Variants in CEP63 observed in about 807,000 individuals in gnomAD.
CEP63 encodes the protein centrosomal protein 63.
In CEP63, 84 loss-of-function variants were observed where a neutral mutation model predicts 89.1. That is an observed-to-expected ratio of 0.94 (90% CI 0.79 to 1.13). The LOEUF is 1.13. CEP63 is among the 50% of genes most tolerant of loss of function. CEP63 has a pLI of 0.00. For missense variants in CEP63, 838 were observed against 813.3 expected, an observed-to-expected ratio of 1.03 and a Z score of -0.37; for synonymous variants, 267 against 272.5, an observed-to-expected ratio of 0.98 and a Z score of 0.20.
the CEP63 span, among the ~76,000 whole-genome samples, chr3:134,605,354 T>A: frequency 6.6e-6 from 1 of 152,168 alleles, no homozygotes; most frequent in African/African-American, 2.4e-5. Flanking sequence ...CCAGCCCCGT[T>A]CACAGTTGAG....
At chr3:134,554,877 G>A (rs976362202) in intron 12 of CEP63, among the ~76,000 whole-genome samples, 1 of 151,880 alleles carries the variant, frequency 6.6e-6, no homozygotes, top group Non-Finnish European at 1.5e-5. Flanking sequence ...CTGCATAAAT[G>A]TCTTCTTTTG....
downstream of CEP63, among the ~76,000 whole-genome samples, chr3:134,590,599 C>G (rs373513674): frequency 4.9e-4 from 75 of 152,324 alleles, 1 homozygote; most frequent in African/African-American, 1.6e-3. Flanking sequence ...GAATAGCTCT[C>G]AGACGTCCAA....
At chr3:134,695,166 C>T in the CEP63 span, among the ~76,000 whole-genome samples, 4 of 152,078 alleles carry the variant, frequency 2.6e-5, no homozygotes, top group Admixed American at 1.3e-4. Flanking sequence ...CTCTGTGCTG[C>T]GGGTGTCATT....
Position 134,520,760 on chromosome 3 carries a change from T to A in CEP63, c.223-11085T>A, listed in dbSNP as rs80006098. On this transcript the variant is annotated intron_variant, in intron 3 of 14. Coordinates refer to ENST00000675561, the MANE Select transcript of CEP63 (RefSeq NM_001353108.3). ...TGTGAACATTTGATTCATGACAAGA[T>A]GACACTGCAAGATGGTGGGGAGTCT... is the stretch of plus-strand genomic sequence containing the variant. Among the ~76,000 whole-genome samples the A allele has an allele frequency of 5.9e-3, 905 of 152,294 alleles. 22 individuals are homozygous for A. In the South Asian group the frequency reaches 0.074, roughly 12 times the overall value.
chr3:134,591,154 A>G (rs1958589093), downstream of CEP63, among the ~76,000 whole-genome samples: 1 of 152,226 alleles, frequency 6.6e-6, no homozygotes, highest in East Asian at 1.9e-4. Flanking sequence ...ATTTTAACTG[A>G]GGATAAAACT....
the CEP63 span, among the ~76,000 whole-genome samples, chr3:134,701,464 A>T: frequency 1.4e-5 from 2 of 145,552 alleles, no homozygotes; most frequent in South Asian, 2.2e-4. Flanking sequence ...GTATATATAC[A>T]TACACACACA....
the CEP63 span, chr3:134,604,252 A>G: frequency 6.2e-7 from 1 of 1,613,938 alleles, no homozygotes; most frequent in Admixed American, 1.7e-5. Context: ...ACCCATGTCC[A>G]CATAATTGCA....
the CEP63 span, among the ~76,000 whole-genome samples, chr3:134,664,200 A>T: frequency 1.3e-5 from 2 of 152,070 alleles, no homozygotes. Context: ...TTTTATTTTC[A>T]TCCTAAAAAG....
the CEP63 span, among the ~76,000 whole-genome samples, chr3:134,599,194 G>A: frequency 6.6e-6 from 1 of 152,224 alleles, no homozygotes; most frequent in Non-Finnish European, 1.5e-5. Context: ...CTCCAGCTTT[G>A]GGGATGGCAT....
At chr3:134,608,732 A>G in the CEP63 span, 1 of 1,614,030 alleles carries the variant, frequency 6.2e-7, no homozygotes, top group Non-Finnish European at 8.5e-7. Context: ...GTTGTTCTCA[A>G]ACTGCCTCAG....
chr3:134,582,008 C>T (rs1029321057), intron 10 of CEP63, among the ~76,000 whole-genome samples: 7 of 152,036 alleles, frequency 4.6e-5, no homozygotes, highest in African/African-American at 1.7e-4. Flanking sequence ...ATAGAAATAG[C>T]AGACTTTAAG....
At chr3:134,492,118 G>T (rs1417383561) in intron 1 of CEP63, among the ~76,000 whole-genome samples, 3 of 126,208 alleles carry the variant, frequency 2.4e-5, no homozygotes, top group African/African-American at 9.1e-5. Context: ...CTGTCGCCCA[G>T]GCTGGAGTGC....
chr3:134,678,743 G>A, the CEP63 span, among the ~76,000 whole-genome samples: 59 of 152,286 alleles, frequency 3.9e-4, no homozygotes, highest in East Asian at 0.011. Flanking sequence ...TAGCTCTAGG[G>A]ACTTGACCCA....
chr3:134,662,658 A>G, the CEP63 span, among the ~76,000 whole-genome samples: 2 of 152,270 alleles, frequency 1.3e-5, no homozygotes, highest in African/African-American at 4.8e-5. Flanking sequence ...GGGCTAGTTC[A>G]AATATGTTTG....
chr3:134,547,234 C>A, intron 8 of CEP63, 101 bp from the exon 9 acceptor site: 2 of 1,118,996 alleles, frequency 1.8e-6, no homozygotes, highest in Non-Finnish European at 2.7e-6. Flanking sequence ...TGAAGAGTTC[C>A]AAAGAGGTTA....
chr3:134,617,761 C>T, the CEP63 span, among the ~76,000 whole-genome samples: 6 of 152,146 alleles, frequency 3.9e-5, no homozygotes, highest in South Asian at 2.1e-4. Flanking sequence ...TGTCCTGGAG[C>T]GGGGCCTGGA....
intron 10 of CEP63, among the ~76,000 whole-genome samples, chr3:134,583,261 A>G (rs1387477394): frequency 5.3e-5 from 8 of 152,200 alleles, no homozygotes; most frequent in Non-Finnish European, 1.2e-4. Flanking sequence ...GCCCATGCCT[A>G]TGTCCTGAAT....
chr3:134,587,828 C>A (rs1225903965), downstream of CEP63, among the ~76,000 whole-genome samples: 1 of 149,636 alleles, frequency 6.7e-6, no homozygotes. Flanking sequence ...TTGGAATGGA[C>A]CCCCCTATAA....
At position 134,547,359 on chromosome 3, in the gene CEP63, AAAG is replaced by A; in HGVS notation, c.958_960del (p.Lys320del). ...GGCCACGGGAAGAATCTCTGGCAGA[AAAG>A]AAGTACACCTCTCAAGGGCAGGGGG... On this transcript the variant is annotated inframe_deletion, in exon 9 of 15. Coordinates refer to ENST00000675561, the MANE Select transcript of CEP63 (RefSeq NM_001353108.3). The A allele has an allele frequency of 6.2e-7, 1 of 1,613,744 alleles. No homozygotes were observed. The highest frequency in any genetic ancestry group is 1.7e-5 in the Admixed American group (1 of 60,018).
Sources: allele counts gnomAD v4.1 joint callset (sites outside exome capture counted in the v4.1 genomes callset), GRCh38; gene constraint gnomAD v4.1.1; transcripts MANE v1.5; gene names NCBI Gene and HGNC (gene_info 2026-07-23, HGNC 2026-07-21).